Variants in CENPC observed in about 807,000 individuals in gnomAD.
CENPC encodes centromere protein C.
In CENPC, 63 loss-of-function variants were observed where a neutral mutation model predicts 112.1. That is an observed-to-expected ratio of 0.56 (90% CI 0.46 to 0.69). The LOEUF is 0.69. Ranked by LOEUF, CENPC falls within the 30% of genes least tolerant of loss-of-function variation. The probability of loss-of-function intolerance (pLI) is 0.00; values close to 1 mark genes in which losing one functional copy is unlikely to be tolerated. For synonymous variants in CENPC, 333 were observed against 367.6 expected (o/e 0.91, Z 1.08); for missense variants, 1,000 against 1,103.8 (o/e 0.91, Z 1.33).
intron 12 of CENPC, chr4:67,504,916 A>G (rs1468477604): frequency 3.0e-6 from 1 of 331,884 alleles, no homozygotes; most frequent in Non-Finnish European, 5.4e-6. Flanking sequence ...GTAATCATCA[A>G]CAGATCACTA....
chr4:67,493,707 A>G (rs1197541599), intron 14 of CENPC, 177 bp downstream of exon 14: 2 of 510,048 alleles, frequency 3.9e-6, no homozygotes, highest in Admixed American at 3.6e-5. Flanking sequence ...TTCAGCTACC[A>G]AAGAGAAAAT....
chr4:67,505,132 AC>A lies in CENPC; in HGVS notation c.2131+72del, dbSNP rs1423552594. 84 of 1,083,746 alleles carry A rather than the reference AC, an allele frequency of 7.8e-5. 1 individual carries two copies. Among genetic ancestry groups the A allele is most frequent in the Non-Finnish European group, 1.1e-4 (79 of 740,544 alleles). 67.1% of individuals were successfully genotyped at this position (1,083,746 alleles called of 1,614,324 possible). A position where few individuals can be genotyped will look rare whatever the true frequency, so the allele number is the denominator to read the frequency against. On this transcript the variant is annotated intron_variant, in intron 12 of 18. Transcript: ENST00000273853. ...ACACTCGCCATCAGTGACAATGTAA[AC>A]AAAACATAGCACTCCTTACTCCATA...
chr4:67,480,313 C>T (rs1390667955), intron 17 of CENPC, among the ~76,000 whole-genome samples: 5 of 151,956 alleles, frequency 3.3e-5, no homozygotes, highest in African/African-American at 7.3e-5. Context: ...GAGCAAAACC[C>T]CGTCTCAAAA....
intron 12 of CENPC, 108 bp from the exon 13 acceptor site, chr4:67,495,320 C>T (rs1398515898): frequency 2.1e-5 from 22 of 1,026,686 alleles, no homozygotes; most frequent in Non-Finnish European, 2.9e-5. Flanking sequence ...TAAAGTTTGA[C>T]CTGATAATGT....
At chr4:67,518,068 C>A in intron 7 of CENPC, 88 bp downstream of exon 7, 1 of 688,098 alleles carries the variant, frequency 1.5e-6, no homozygotes, top group South Asian at 3.9e-5. Context: ...TTACTTATTT[C>A]TAAGTTAAAT....
intron 12 of CENPC, among the ~76,000 whole-genome samples, chr4:67,497,013 G>T (rs571010000): frequency 6.6e-6 from 1 of 151,574 alleles, no homozygotes; most frequent in Non-Finnish European, 1.5e-5. Flanking sequence ...AGTGATACAA[G>T]GAACCAAAGA....
chr4:67,510,588 G>C (rs892079253), intron 9 of CENPC: 3 of 171,228 alleles, frequency 1.8e-5, no homozygotes, highest in African/African-American at 7.2e-5. Context: ...TACAGAGCCC[G>C]AACTGATACA....
At chr4:67,478,722 AATACTAACATTGAAT>A (rs1389456406) in intron 17 of CENPC, among the ~76,000 whole-genome samples, 2 of 151,788 alleles carry the variant, frequency 1.3e-5, no homozygotes, top group African/African-American at 4.8e-5. Context: ...CTCACATCTC[AATACTAACATTGAAT>A]ATAAATGACT....
At chr4:67,488,485 GT>G (rs1725151247) in intron 17 of CENPC, among the ~76,000 whole-genome samples, 1 of 151,950 alleles carries the variant, frequency 6.6e-6, no homozygotes, top group Admixed American at 6.6e-5. Context: ...CTAGAAATGA[GT>G]CACAGGTTAC....
At chr4:67,535,804 C>T (rs992056103) in intron 4 of CENPC, among the ~76,000 whole-genome samples, 5 of 151,784 alleles carry the variant, frequency 3.3e-5, no homozygotes, top group African/African-American at 1.2e-4. Context: ...TAGTAGAAAG[C>T]CAATAAATAA....
intron 17 of CENPC, among the ~76,000 whole-genome samples, chr4:67,477,980 T>G (rs1385880262): frequency 6.6e-6 from 1 of 151,598 alleles, no homozygotes; most frequent in Non-Finnish European, 1.5e-5. Flanking sequence ...GCTTTTGAAT[T>G]AACCCAATCA....
Position 67,478,651 on chromosome 4 carries a change from CA to C in CENPC, c.2671-3674del, listed in dbSNP as rs1434759986. On this transcript the variant is annotated intron_variant, in intron 17 of 18. Transcript: ENST00000273853. ...TAAAACACACACACACACACACACA[CA>C]CACACACACACACACCCAAAGTATT... 9.9e-5 allele frequency among the ~76,000 whole-genome samples: 15 copies of C among 151,448 alleles called. 1 individual carries two copies. The highest frequency in any genetic ancestry group is 5.9e-4 in the East Asian group (3 of 5,110).
chr4:67,509,562 T>C (rs180804769), intron 9 of CENPC, among the ~76,000 whole-genome samples: 1 of 152,218 alleles, frequency 6.6e-6, no homozygotes, highest in African/African-American at 2.4e-5. Flanking sequence ...TTATTTCCTA[T>C]CTTAATGAAA....
At chr4:67,507,033 G>T in intron 10 of CENPC, 99 bp from the exon 11 acceptor site, 1 of 772,806 alleles carries the variant, frequency 1.3e-6, no homozygotes, top group Non-Finnish European at 1.9e-6. Flanking sequence ...TGTAATATTG[G>T]CTATAACGAA....
At chr4:67,537,784 C>T (rs1230659309) in intron 4 of CENPC, among the ~76,000 whole-genome samples, 1 of 152,048 alleles carries the variant, frequency 6.6e-6, no homozygotes, top group Non-Finnish European at 1.5e-5. Context: ...CAGAGCAAGA[C>T]TTTGTCTCAA....
chr4:67,490,837 A>ATAT (rs1725229383), intron 16 of CENPC, among the ~76,000 whole-genome samples: 5 of 57,084 alleles, frequency 8.8e-5, no homozygotes, highest in East Asian at 6.3e-4. Flanking sequence ...TATAGAAATA[A>ATAT]ATATATATAT....
chr4:67,532,802 C>T (rs533285175), intron 4 of CENPC, among the ~76,000 whole-genome samples: 3 of 151,978 alleles, frequency 2.0e-5, no homozygotes, highest in Admixed American at 6.6e-5. Context: ...ATGTAAATGA[C>T]GAGTTAACGG....
intron 7 of CENPC, among the ~76,000 whole-genome samples, chr4:67,516,859 A>C (rs1182499990): frequency 6.6e-6 from 1 of 152,026 alleles, no homozygotes; most frequent in Non-Finnish European, 1.5e-5. Context: ...AGACAATCAA[A>C]AGGAAGAGCA....
At chr4:67,497,146 G>A (rs1248683464) in intron 12 of CENPC, among the ~76,000 whole-genome samples, 2 of 152,054 alleles carry the variant, frequency 1.3e-5, no homozygotes, top group African/African-American at 4.8e-5. Context: ...TTGGGAGGCT[G>A]AGGCAGGTAG....
Sources: allele counts gnomAD v4.1 joint callset (sites outside exome capture counted in the v4.1 genomes callset), GRCh38; gene constraint gnomAD v4.1.1; transcripts MANE v1.5; gene names NCBI Gene and HGNC (gene_info 2026-07-23, HGNC 2026-07-21).